EIF4G3: variants seen among roughly 807,000 people sequenced by gnomAD.
The protein encoded by EIF4G3 is eIF-4-gamma 3.
EIF4G3 carries 34 observed loss-of-function variants against 186.4 expected under a neutral mutation model. The ratio of observed to expected loss-of-function variants is 0.18; its 90% CI spans 0.14 to 0.24. The LOEUF (loss-of-function observed/expected upper bound fraction) is 0.24, where lower values mean the gene tolerates loss of function less well. Ranked by LOEUF, EIF4G3 falls within the 10% of genes least tolerant of loss-of-function variation. The pLI is 1.00. For missense variants in EIF4G3, 1,536 were observed against 1,948.5 expected, an observed-to-expected ratio of 0.79 and a Z score of 3.99; for synonymous variants, 673 against 679.5, an observed-to-expected ratio of 0.99 and a Z score of 0.15.
chr1:20,977,672 A>G (rs886306686), intron 10 of EIF4G3, among the ~76,000 whole-genome samples: 2 of 152,212 alleles, frequency 1.3e-5, no homozygotes, highest in African/African-American at 4.8e-5. Flanking sequence ...GAAAGGGAAC[A>G]GACATCAATA....
intron 36 of EIF4G3, 138 bp from the exon 37 acceptor site, chr1:20,807,638 C>T: frequency 1.4e-6 from 1 of 701,116 alleles, no homozygotes; most frequent in Non-Finnish European, 2.1e-6. Context: ...ATTCACCATA[C>T]TTGCTCTTGA....
At position 20,904,959 on chromosome 1, in the gene EIF4G3, A is replaced by G; in HGVS notation, c.1676T>C (p.Ile559Thr). 2 of 1,613,578 alleles carry G rather than the reference A, an allele frequency of 1.2e-6. No homozygotes were observed. Among genetic ancestry groups the G allele is most frequent in the Non-Finnish European group, 1.7e-6 (2 of 1,179,778 alleles). ...TTTCTTCCATGTCTTTGGTACAGTTATAGCTATTTGAGCTGAAATACAAGA... is the reference window on the plus strand; with the variant it reads ...TTTCTTCCATGTCTTTGGTACAGTTGTAGCTATTTGAGCTGAAATACAAGA... ...RRSPVPAQIA[I>T]TVPKTWKKPK... is the part of the protein sequence containing the mutation. Residue 559 changes from isoleucine to threonine, a missense_variant, in exon 15 of 37, where the codon ATA becomes ACA. By Grantham distance (89) the Ile-to-Thr change is moderately conservative. Transcript: ENST00000602326.
At chr1:21,107,428 T>C (rs2096637077) in intron 2 of EIF4G3, among the ~76,000 whole-genome samples, 1 of 152,176 alleles carries the variant, frequency 6.6e-6, no homozygotes, top group Non-Finnish European at 1.5e-5. Context: ...CGCCTCAGCT[T>C]CCCAAAGTGC....
intron 18 of EIF4G3, among the ~76,000 whole-genome samples, chr1:20,891,119 T>C (rs939351065): frequency 6.6e-6 from 1 of 152,256 alleles, no homozygotes; most frequent in Non-Finnish European, 1.5e-5. Flanking sequence ...AGGAGTGGTA[T>C]ATGCTGTGAT....
At chr1:20,880,176 C>A (rs1299581880) in intron 19 of EIF4G3, among the ~76,000 whole-genome samples, 1 of 151,980 alleles carries the variant, frequency 6.6e-6, no homozygotes, top group Admixed American at 6.5e-5. Flanking sequence ...CAGTATCATA[C>A]CAGAGGTCCT....
At chr1:21,051,766 G>A (rs893258448) in intron 3 of EIF4G3, among the ~76,000 whole-genome samples, 1 of 152,112 alleles carries the variant, frequency 6.6e-6, no homozygotes, top group South Asian at 2.1e-4. Flanking sequence ...GGGAAGCTGA[G>A]GCAAAAGGAC....
intron 2 of EIF4G3, among the ~76,000 whole-genome samples, chr1:21,113,433 G>GA (rs1252353810): frequency 1.3e-5 from 2 of 151,528 alleles, no homozygotes; most frequent in Non-Finnish European, 2.9e-5. Flanking sequence ...CTTAGACCAG[G>GA]AAAAAAGAAG....
intron 15 of EIF4G3, 58 bp from the exon 16 acceptor site, chr1:20,900,001 A>G (rs2089739334): frequency 4.0e-6 from 6 of 1,513,720 alleles, no homozygotes; most frequent in Middle Eastern, 1.9e-4. Flanking sequence ...AATATACATA[A>G]AAACCTACAT....
intron 2 of EIF4G3, among the ~76,000 whole-genome samples, chr1:21,130,067 T>C (rs2097125179): frequency 6.6e-6 from 1 of 151,918 alleles, no homozygotes; most frequent in Non-Finnish European, 1.5e-5. Flanking sequence ...AAGCCTGTGG[T>C]ACACCAAAGG....
At chr1:20,999,744 G>A (rs1377531951) in intron 6 of EIF4G3, 1 of 454,782 alleles carries the variant, frequency 2.2e-6, no homozygotes, top group Non-Finnish European at 4.4e-6. Context: ...TTTTTCATTT[G>A]AAATGACAAT....
At position 20,806,923 on chromosome 1, in the gene EIF4G3, A is replaced by C. The variant is rs1466958620; in HGVS notation, c.*396T>G. On this transcript the variant is annotated 3_prime_UTR_variant, in exon 37 of 37. Coordinates refer to ENST00000602326, the MANE Select transcript of EIF4G3 (RefSeq NM_001391906.1). ...AAATTTATTTCTCTGCTTTTCTATT[A>C]TACAAGTTGTTTACAGAAACTGCAA... is the stretch of plus-strand genomic sequence containing the variant. 4 of 153,252 alleles carry C rather than the reference A, an allele frequency of 2.6e-5. No homozygotes were observed. Among genetic ancestry groups the C allele is most frequent in the African/African-American group, 9.7e-5 (4 of 41,442 alleles). 9.5% of individuals were successfully genotyped at this position (153,252 alleles called of 1,614,324 possible).
At chr1:20,852,752 G>T (rs1010999326) in intron 27 of EIF4G3, among the ~76,000 whole-genome samples, 1 of 152,116 alleles carries the variant, frequency 6.6e-6, no homozygotes, top group African/African-American at 2.4e-5. Context: ...AGGGCAAAGC[G>T]CCACAAGTGA....
intron 3 of EIF4G3, among the ~76,000 whole-genome samples, chr1:21,063,345 G>T (rs1300575971): frequency 6.6e-6 from 1 of 152,066 alleles, no homozygotes; most frequent in Non-Finnish European, 1.5e-5. Flanking sequence ...AAAAGTTAGA[G>T]GCAGTATTTT....
intron 3 of EIF4G3, among the ~76,000 whole-genome samples, chr1:21,077,454 A>G (rs1407270341): frequency 6.6e-6 from 1 of 152,078 alleles, no homozygotes; most frequent in Non-Finnish European, 1.5e-5. Context: ...ACATTTCTCA[A>G]AAGAAGATAT....
intron 4 of EIF4G3, among the ~76,000 whole-genome samples, chr1:21,039,817 A>T (rs1571501711): frequency 6.6e-6 from 1 of 152,238 alleles, no homozygotes. Flanking sequence ...AACAACAACG[A>T]AAGAAGCAAC....
intron 4 of EIF4G3, among the ~76,000 whole-genome samples, chr1:21,029,065 T>C (rs889121403): frequency 1.3e-4 from 20 of 151,884 alleles, no homozygotes; most frequent in Non-Finnish European, 2.2e-4. Context: ...AGTCTCGCTC[T>C]GGGGTACAGT....
In EIF4G3 at chr1:20,893,573, A is replaced by C. The variant is rs535749148; in HGVS notation, c.2197T>G (p.Phe733Val). The change falls in exon 18 of 37, where the codon TTT (phenylalanine) becomes GTT (valine). Residue 733 changes from phenylalanine to valine, a missense_variant. By Grantham distance (50) the Phe-to-Val change is conservative. This residue lies in a region of EIF4G3 where 139 missense variants were observed against 192.8 expected (regional missense o/e 0.72). Coordinates refer to ENST00000602326, the MANE Select transcript of EIF4G3 (RefSeq NM_001391906.1). ...CCAAAATCAGCAAAGGCTGGTGTAA[A>C]GTCTGGTCCTCGAGGCAAAATTCGA... ...DPRILPRGPD[F>V]TPAFADFGRQ... 1 of 1,598,120 alleles carries C rather than the reference A, an allele frequency of 6.3e-7. No individual in the cohort carries two copies. The highest frequency in any genetic ancestry group is 8.6e-7 in the Non-Finnish European group (1 of 1,168,124).
At chr1:21,127,846 C>T (rs1207355294) in intron 2 of EIF4G3, among the ~76,000 whole-genome samples, 1 of 152,188 alleles carries the variant, frequency 6.6e-6, no homozygotes, top group Non-Finnish European at 1.5e-5. Context: ...ATTCACTCCA[C>T]TAGATCTGCC....
intron 2 of EIF4G3, among the ~76,000 whole-genome samples, chr1:21,091,994 T>C (rs958651836): frequency 6.6e-6 from 1 of 152,220 alleles, no homozygotes; most frequent in African/African-American, 2.4e-5. Context: ...TTCTTTCTCC[T>C]GCCTGATTGC....
Sources: gnomAD v4.1 joint callset for allele counts (sites outside exome capture counted in the v4.1 genomes callset) on GRCh38, gnomAD v4.1.1 for gene constraint, gnomAD v4.1.1 regional missense constraint, MANE v1.5 for transcripts, NCBI Gene and HGNC (gene_info 2026-07-23, HGNC 2026-07-21) for gene names.